The following CPPED1 variants were observed in gnomAD, a reference collection of about 807,000 sequenced individuals.
CPPED1 encodes serine/threonine-protein phosphatase CPPED1.
CPPED1 carries 28 observed loss-of-function variants against 28.0 expected under a neutral mutation model. That is an observed-to-expected ratio of 1.00 (90% CI 0.74 to 1.37). CPPED1 has a LOEUF of 1.37. CPPED1 is among the 40% of genes most tolerant of loss of function. The pLI is 0.00. For missense variants in CPPED1, 504 were observed against 416.5 expected (o/e 1.21, Z -1.83); for synonymous variants, 198 against 180.2 (o/e 1.10, Z -0.79).
At chr16:12,713,450 C>G (rs2080090312) in intron 2 of CPPED1, among the ~76,000 whole-genome samples, 1 of 152,112 alleles carries the variant, frequency 6.6e-6, no homozygotes, top group Non-Finnish European at 1.5e-5. Context: ...GCTGCAATCT[C>G]TGCCTCCTGG....
intron 3 of CPPED1, among the ~76,000 whole-genome samples, chr16:12,675,375 C>T (rs7186580): frequency 0.11 from 16,721 of 152,224 alleles, 2,199 homozygotes; most frequent in African/African-American, 0.32. Flanking sequence ...CAAAGGCAGC[C>T]ACTGCATCAA....
At chr16:12,680,761 A>G (rs539990542) in intron 3 of CPPED1, among the ~76,000 whole-genome samples, 44 of 152,268 alleles carry the variant, frequency 2.9e-4, no homozygotes, top group African/African-American at 1.1e-3. Context: ...TGTAGGGGCA[A>G]TATCTCCTTC....
chr16:12,759,164 AAAAAAAAAAAAAAAAAAAAAAAGAC>A (rs2080392467), intron 2 of CPPED1: 1 of 26,040 alleles, frequency 3.8e-5, no homozygotes, highest in Non-Finnish European at 1.1e-4. Flanking sequence ...CTCTGTCTCT[AAAAAAAAAAAAAAAAAAAAAAAGAC>A]AAAAAAAAAG....
chr16:12,740,136 C>A (rs1281662864), intron 2 of CPPED1, among the ~76,000 whole-genome samples: 1 of 150,942 alleles, frequency 6.6e-6, no homozygotes, highest in Non-Finnish European at 1.5e-5. Flanking sequence ...AAGAGCGAGC[C>A]AGCCCTGCTT....
intron 2 of CPPED1, among the ~76,000 whole-genome samples, chr16:12,775,753 G>A (rs974582574): frequency 1.4e-4 from 22 of 152,194 alleles, no homozygotes; most frequent in African/African-American, 4.6e-4. Flanking sequence ...GGAAACAGAT[G>A]AACAAGAGTT....
chr16:12,755,788 T>G (rs2080362547), intron 2 of CPPED1, among the ~76,000 whole-genome samples: 1 of 152,162 alleles, frequency 6.6e-6, no homozygotes, highest in Non-Finnish European at 1.5e-5. Flanking sequence ...GTGGCATATA[T>G]GAAATTTGCA....
rs115257279 is a variant in CPPED1 at position 12,802,812 on chromosome 16, A to C, written c.70+895T>G. ...CCTTGGCCCTTTTAAATGCAGTTCA[A>C]ACAAGGGCAACAACAAAACCTGTTG... On this transcript the variant is annotated intron_variant, in intron 1 of 3. Transcript: ENST00000381774. Among the ~76,000 whole-genome samples the C allele has an allele frequency of 2.2e-3, 329 of 152,328 alleles. 2 individuals carry two copies. The highest frequency in any genetic ancestry group is 7.6e-3 in the African/African-American group (317 of 41,564).
At chr16:12,686,314 C>T (rs1219367449) in intron 3 of CPPED1, among the ~76,000 whole-genome samples, 2 of 151,862 alleles carry the variant, frequency 1.3e-5, no homozygotes, top group African/African-American at 4.8e-5. Context: ...AGTGATCTTC[C>T]TCCCTCAGCT....
chr16:12,769,562 A>C (rs574860886), intron 2 of CPPED1, among the ~76,000 whole-genome samples: 45 of 152,258 alleles, frequency 3.0e-4, no homozygotes, highest in Admixed American at 5.9e-4. Flanking sequence ...CCAGTTCCCT[A>C]ATTAGTCATA....
intron 1 of CPPED1, among the ~76,000 whole-genome samples, chr16:12,791,621 G>C (rs2080597180): frequency 6.6e-6 from 1 of 152,084 alleles, no homozygotes; most frequent in Non-Finnish European, 1.5e-5. Flanking sequence ...GGTATTCATG[G>C]TTCCCACCTG....
rs1216151865 is a variant in CPPED1 at position 12,664,634 on chromosome 16, T to C, written c.*252A>G. On this transcript the variant is annotated 3_prime_UTR_variant, in exon 4 of 4. Transcript: ENST00000381774. The surrounding 1 kb of genome is among the most constrained non-coding windows in gnomAD (Gnocchi z 4.2). ...AGCATTAGGAGAATTTATTCAAACA[T>C]CCATGCAGAGATAGTCTAATATTTT... 1.5e-6 allele frequency: 2 copies of C among 1,301,368 alleles called. No homozygotes were observed. The highest frequency in any genetic ancestry group is 4.1e-5 in the Admixed American group (1 of 24,480). The allele number at this position is 1,301,368 out of a possible 1,614,324, so 80.6% of individuals were successfully genotyped here. A position where few individuals can be genotyped will look rare whatever the true frequency, so the allele number is the denominator to read the frequency against.
chr16:12,688,273 G>A (rs1381622260), intron 3 of CPPED1, among the ~76,000 whole-genome samples: 1 of 151,592 alleles, frequency 6.6e-6, no homozygotes, highest in African/African-American at 2.4e-5. Flanking sequence ...GACTTATGGG[G>A]AGAGAAATTT....
chr16:12,696,558 C>T (rs978435687), intron 3 of CPPED1, among the ~76,000 whole-genome samples: 2 of 151,158 alleles, frequency 1.3e-5, no homozygotes, highest in African/African-American at 4.9e-5. Flanking sequence ...TCTCGTGCCT[C>T]AGCCTCCTGA....
intron 2 of CPPED1, among the ~76,000 whole-genome samples, chr16:12,712,906 G>C (rs890852217): frequency 2.6e-4 from 39 of 152,160 alleles, no homozygotes; most frequent in African/African-American, 9.4e-4. Context: ...TTTCATTATA[G>C]AAAAATAATC....
intron 2 of CPPED1, among the ~76,000 whole-genome samples, chr16:12,738,000 G>A (rs1317072781): frequency 6.6e-6 from 1 of 152,188 alleles, no homozygotes; most frequent in African/African-American, 2.4e-5. Context: ...GCCTTCCTGG[G>A]GATAAGTGGT....
chr16:12,707,133 C>T (rs911494394), intron 2 of CPPED1, among the ~76,000 whole-genome samples: 1 of 152,200 alleles, frequency 6.6e-6, no homozygotes, highest in Non-Finnish European at 1.5e-5. Context: ...AAAGACAAGT[C>T]CTTTGTAGCT....
At chr16:12,719,972 G>A (rs1222124562) in intron 2 of CPPED1, among the ~76,000 whole-genome samples, 1 of 151,908 alleles carries the variant, frequency 6.6e-6, no homozygotes, top group South Asian at 2.1e-4. Flanking sequence ...ATATAAATAC[G>A]TGTACGTTAA....
chr16:12,727,816 G>A (rs991114604), intron 2 of CPPED1, among the ~76,000 whole-genome samples: 5 of 152,160 alleles, frequency 3.3e-5, no homozygotes, highest in Non-Finnish European at 7.3e-5. Flanking sequence ...GCAGCAGCCA[G>A]TAGTATTAAA....
chr16:12,719,322 C>T (rs1009254648), intron 2 of CPPED1, among the ~76,000 whole-genome samples: 4 of 149,642 alleles, frequency 2.7e-5, no homozygotes, highest in African/African-American at 7.4e-5. Context: ...ACCCAGGAGG[C>T]GGAGCTTGCA....
Sources: allele counts gnomAD v4.1 joint callset (sites outside exome capture counted in the v4.1 genomes callset), GRCh38; gene constraint gnomAD v4.1.1; non-coding constraint Gnocchi (gnomAD v3.1); transcripts MANE v1.5; gene names NCBI Gene and HGNC (gene_info 2026-07-23, HGNC 2026-07-21).